Variants in CAPN9 observed in about 807,000 individuals in gnomAD.
CAPN9 encodes the protein calpain-9.
In CAPN9, 81 loss-of-function variants were observed where a neutral mutation model predicts 92.8. The observed-to-expected ratio is 0.87, with a 90% CI of 0.73 to 1.05. The LOEUF (loss-of-function observed/expected upper bound fraction) is 1.05, where lower values mean the gene tolerates loss of function less well. Among genes scored for constraint, CAPN9 ranks in the 50% least tolerant of loss-of-function variants. CAPN9 has a pLI of 0.00. For missense variants in CAPN9, 848 were observed against 866.2 expected (o/e 0.98, Z 0.26); for synonymous variants, 304 against 328.0 (o/e 0.93, Z 0.79).
At chr1:230,769,368 G>A (rs1666230355) in intron 6 of CAPN9, 105 bp downstream of exon 6, 2 of 807,828 alleles carry the variant, frequency 2.5e-6, no homozygotes, top group Non-Finnish European at 4.0e-6. Flanking sequence ...TGCCTTTCAG[G>A]CATTTCAGAG....
At chr1:230,772,846 GA>G (rs1297723873) in intron 7 of CAPN9, among the ~76,000 whole-genome samples, 1 of 151,134 alleles carries the variant, frequency 6.6e-6, no homozygotes, top group African/African-American at 2.4e-5. Flanking sequence ...CAGTTATCAA[GA>G]AAGGTCTGCC....
At position 230,798,335 on chromosome 1, in the gene CAPN9, G is replaced by T. The variant is rs552470378; in HGVS notation, c.2046+115G>T. On this transcript the variant is annotated intron_variant, in intron 19 of 19. Coordinates refer to ENST00000271971, the MANE Select transcript of CAPN9 (RefSeq NM_006615.3). ...ATGCAAGGGCTGACATCTAGCTGTG[G>T]GAGTGATTATAACAAAATAGCTAAT... The T allele has an allele frequency of 9.5e-5, 67 of 705,040 alleles. 1 individual carries two copies. Among genetic ancestry groups the T allele is most frequent in the South Asian group, 7.7e-4 (46 of 59,430 alleles). The allele number at this position is 705,040 out of a possible 1,614,324, so 43.7% of individuals were successfully genotyped here.
rs1666732539 is a variant in CAPN9, at chr1:230,775,899, A to G, written c.953+1268A>G. 5.4e-5 allele frequency among the ~76,000 whole-genome samples: 8 copies of G among 148,788 alleles called. No homozygotes were observed. The South Asian group carries it at 1.7e-3, about 32-fold the overall frequency. On this transcript the variant is annotated intron_variant, in intron 8 of 19. Coordinates refer to ENST00000271971, the MANE Select transcript of CAPN9 (RefSeq NM_006615.3). ...ATCACTGCACTCTAGCCTGGACAAC[A>G]GAGTGATACTCCATCTCAAAAAAAA...
At chr1:230,793,355 C>T (rs1668135561) in intron 17 of CAPN9, among the ~76,000 whole-genome samples, 1 of 152,200 alleles carries the variant, frequency 6.6e-6, no homozygotes, top group Non-Finnish European at 1.5e-5. Context: ...GGTTTGGGGT[C>T]CGCACGTCCC....
At chr1:230,769,842 T>A (rs1209852872) in intron 6 of CAPN9, among the ~76,000 whole-genome samples, 1 of 152,194 alleles carries the variant, frequency 6.6e-6, no homozygotes, top group African/African-American at 2.4e-5. Flanking sequence ...AATGACCCAG[T>A]TCCACTTAAT....
chr1:230,790,357 G>A, intron 14 of CAPN9, 168 bp downstream of exon 14: 10 of 974,030 alleles, frequency 1.0e-5, no homozygotes, highest in Non-Finnish European at 1.2e-5. Flanking sequence ...TTCCAAAAAC[G>A]ATGCAGGTTT....
At position 230,769,669 on chromosome 1, in the gene CAPN9, CTATCT is replaced by C. The variant is rs1197427346; in HGVS notation, c.789+407_789+411del. ...TCTATCTATCTATCTATCTATCTATCTATCTATCTATCTACATCACACAGTTGACC... is the reference window on the plus strand; with the variant it reads ...TCTATCTATCTATCTATCTATCTATCATCTATCTACATCACACAGTTGACC... On this transcript the variant is annotated intron_variant, in intron 6 of 19. Transcript: ENST00000271971. 5.6e-4 allele frequency among the ~76,000 whole-genome samples: 69 copies of C among 123,838 alleles called. No homozygotes were observed. In the Middle Eastern group the frequency reaches 0.012, roughly 21 times the overall value. 81.2% of individuals were successfully genotyped at this position (123,838 alleles called of 152,430 possible).
chr1:230,790,087 G>A (rs760377246), intron 13 of CAPN9, 45 bp from the exon 14 acceptor site: 1 of 1,500,250 alleles, frequency 6.7e-7, no homozygotes, highest in Admixed American at 1.7e-5. Flanking sequence ...AACTATAAAA[G>A]AAGGTGCCAA....
Position 230,767,649 on chromosome 1 carries a change from C to A in CAPN9, c.645C>A (p.Asn215Lys). 6.2e-7 allele frequency: 1 copy of A among 1,613,968 alleles called. No individual in the cohort carries two copies. The highest frequency in any genetic ancestry group is 1.3e-5 in the African/African-American group (1 of 74,980). ...ETFQTKEAPE[N>K]FYEILEKALK... ...TCCAAACTAAAGAGGCCCCCGAGAA[C>A]TTCTATGAGATTCTAGAGAAGGCTT... is the stretch of plus-strand genomic sequence containing the variant. Residue 215 changes from asparagine to lysine, a missense_variant, in exon 5 of 20, where the codon AAC becomes AAA. Physicochemically the swap from Asn to Lys is moderately conservative, Grantham distance 94. Coordinates refer to ENST00000271971, the MANE Select transcript of CAPN9 (RefSeq NM_006615.3).
At position 230,747,392 on chromosome 1, in the gene CAPN9, C is replaced by T. The variant is rs1664486472; in HGVS notation, c.-105C>T. 1 of 953,672 alleles carries T rather than the reference C, an allele frequency of 1.0e-6. No individual in the cohort carries two copies. The highest frequency in any genetic ancestry group is 1.6e-5 in the African/African-American group (1 of 62,336). The allele number at this position is 953,672 out of a possible 1,614,324, so 59.1% of individuals were successfully genotyped here. A position where few individuals can be genotyped will look rare whatever the true frequency, so the allele number is the denominator to read the frequency against. ...AGGTGGAGGTGAGGGCCACTCAGCC[C>T]AGTGGCCCTCTGAGCTGTTCCTTCT... On this transcript the variant is annotated 5_prime_UTR_variant, in exon 1 of 20. Coordinates refer to ENST00000271971, the MANE Select transcript of CAPN9 (RefSeq NM_006615.3).
chr1:230,792,658 ACCACCGTGCTT>A (rs1668081208), intron 16 of CAPN9, among the ~76,000 whole-genome samples, 164 bp downstream of exon 16: 1 of 152,212 alleles, frequency 6.6e-6, no homozygotes, highest in African/African-American at 2.4e-5. Flanking sequence ...TTACGGGAGT[ACCACCGTGCTT>A]CCACCCAAGA....
chr1:230,792,438 G>A lies in CAPN9; in HGVS notation c.1735G>A (p.Gly579Arg). Residue 579 changes from glycine (G) to arginine (R), a missense_variant, in exon 16 of 20, where the codon GGG becomes AGG. Gly to Arg is a moderately radical substitution (Grantham distance 125). Transcript: ENST00000271971. ...IISLMDTSGN[G>R]KLEFDEFKVF... ...CCACATGGCACAGACCAGCGGCAAT[G>A]GGAAGCTGGAGTTTGATGAATTCAA... The A allele has an allele frequency of 6.2e-7, 1 of 1,613,960 alleles. No homozygotes were observed. The highest frequency in any genetic ancestry group is 8.5e-7 in the Non-Finnish European group (1 of 1,179,852).
intron 1 of CAPN9, 132 bp from the exon 2 acceptor site, chr1:230,755,205 C>A: frequency 1.4e-6 from 1 of 691,560 alleles, no homozygotes; most frequent in East Asian, 2.9e-5. Context: ...TCCACGTGGC[C>A]CTCCTCAGGG....
At chr1:230,754,142 G>A (rs1036706944) in intron 1 of CAPN9, among the ~76,000 whole-genome samples, 2 of 152,040 alleles carry the variant, frequency 1.3e-5, no homozygotes, top group Non-Finnish European at 2.9e-5. Context: ...GCTGGGAAGG[G>A]GCGGGGCTTC....
Position 230,787,579 on chromosome 1 carries a change from C to T in CAPN9, c.1576C>T (p.Leu526=), listed in dbSNP as rs199898968. ...AGAGGAGGAGCAGCGGTTTCGGGCT[C>T]TGTTTGAACAAGTCGCTGGTGAGGT... The part of the protein sequence containing the change: ...ETEEEQRFRA[L]FEQVAGEDME... The change falls in exon 13 of 20, where the codon CTG becomes TTG. Residue 526 remains leucine, a synonymous_variant. Transcript: ENST00000271971. 2.5e-6 allele frequency: 4 copies of T among 1,614,074 alleles called. No homozygotes were observed. Among genetic ancestry groups the T allele is most frequent in the Admixed American group, 1.7e-5 (1 of 60,008 alleles).
In CAPN9 at chr1:230,767,697, C is replaced by T. The variant is rs1666079971; in HGVS notation, c.693C>T (p.Gly231=). The T allele has an allele frequency of 6.2e-7, 1 of 1,612,990 alleles. No homozygotes were observed. Among genetic ancestry groups the T allele is most frequent in the Non-Finnish European group, 8.5e-7 (1 of 1,179,610 alleles). The part of the protein sequence containing the change: ...EKALKRGSLL[G]CFIDTRSAAE... Reference sequence around the variant, plus strand: ...CTTTGAAGAGAGGCTCCCTGCTGGGCTGCTTCATTGATGTAAGTTGCTCAT... The same window carrying T: ...CTTTGAAGAGAGGCTCCCTGCTGGGTTGCTTCATTGATGTAAGTTGCTCAT... Residue 231 remains glycine, a synonymous_variant, in exon 5 of 20, where the codon GGC becomes GGT. Transcript: ENST00000271971.
intron 3 of CAPN9, among the ~76,000 whole-genome samples, chr1:230,761,521 T>G (rs1572025223): frequency 6.6e-6 from 1 of 150,472 alleles, no homozygotes. Context: ...GGAGGGGAGG[T>G]CCAGCTGGAG....
At chr1:230,756,785 T>C (rs957215756) in intron 2 of CAPN9, among the ~76,000 whole-genome samples, 2 of 151,896 alleles carry the variant, frequency 1.3e-5, no homozygotes, top group African/African-American at 2.4e-5. Flanking sequence ...AAAATTAAAA[T>C]TGAAAAATTA....
chr1:230,785,547 A>G lies in CAPN9; in HGVS notation c.1482-434A>G, dbSNP rs574864573. 3.3e-5 allele frequency among the ~76,000 whole-genome samples: 5 copies of G among 152,154 alleles called. No homozygotes were observed. The South Asian group carries it at 1.0e-3, about 32-fold the overall frequency. On this transcript the variant is annotated intron_variant, in intron 11 of 19. Transcript: ENST00000271971. The stretch of plus-strand genomic sequence containing the variant: ...TAAGGGTATTTGGCAACTCCCCCAT[A>G]CCACCCTGCTCCTGCTTTTTCCATG...
Sources: gnomAD v4.1 joint callset for allele counts (sites outside exome capture counted in the v4.1 genomes callset) on GRCh38, gnomAD v4.1.1 for gene constraint, MANE v1.5 for transcripts, NCBI Gene and HGNC (gene_info 2026-07-23, HGNC 2026-07-21) for gene names.